The following SIRT1 variants were observed in gnomAD, a reference collection of about 807,000 sequenced individuals.
SIRT1 encodes the protein sirtuin 1, also known as NAD-dependent protein deacetylase sirtuin-1.
SIRT1 carries 24 observed loss-of-function variants against 67.9 expected under a neutral mutation model. That is an observed-to-expected ratio of 0.35 (90% CI 0.26 to 0.50). SIRT1 has a LOEUF of 0.50. Among genes scored for constraint, SIRT1 ranks in the 20% least tolerant of loss-of-function variants. SIRT1 has a pLI of 0.98. For missense variants in SIRT1, 873 were observed against 937.2 expected (o/e 0.93, Z 0.89); for synonymous variants, 378 against 350.7 (o/e 1.08, Z -0.87).
At chr10:67,902,455 C>T (rs1426524295) in intron 4 of SIRT1, among the ~76,000 whole-genome samples, 3 of 152,106 alleles carry the variant, frequency 2.0e-5, no homozygotes, top group Non-Finnish European at 4.4e-5. Context: ...ATTTTCATGT[C>T]AGTGTTCATA....
At chr10:67,888,135 A>G (rs1001543829) in intron 2 of SIRT1, among the ~76,000 whole-genome samples, 2 of 152,208 alleles carry the variant, frequency 1.3e-5, no homozygotes, top group African/African-American at 4.8e-5. Flanking sequence ...TAAATATTTA[A>G]TAAATATGTG....
intron 7 of SIRT1, 140 bp downstream of exon 7, chr10:67,909,582 G>A (rs1281026818): frequency 1.3e-6 from 1 of 767,224 alleles, no homozygotes; most frequent in Non-Finnish European, 1.9e-6. Context: ...TTGTTTGTTT[G>A]TTTGTTTATT....
chr10:67,887,652 C>T (rs1451135816), intron 2 of SIRT1, 119 bp downstream of exon 2: 4 of 590,556 alleles, frequency 6.8e-6, no homozygotes, highest in Non-Finnish European at 3.0e-6. Context: ...TCTCGGCTCA[C>T]CGTACCCTCC....
intron 4 of SIRT1, among the ~76,000 whole-genome samples, chr10:67,906,567 T>C (rs1842823521): frequency 1.3e-5 from 2 of 152,208 alleles, no homozygotes; most frequent in Non-Finnish European, 2.9e-5. Flanking sequence ...CGACTTTGTC[T>C]TTTTCTTCAA....
At position 67,889,090 on chromosome 10, in the gene SIRT1, G is replaced by C. The variant is rs757474809; in HGVS notation, c.756G>C (p.Glu252Asp). ...TIEDAVKLLQ[E>D]CKKIIVLTGA... ...AAGATGCTGTGAAATTACTGCAAGA[G>C]TGCAAAAAAATTATAGTTCTAACTG... is the stretch of plus-strand genomic sequence containing the variant. The change falls in exon 3 of 9, where the codon GAG becomes GAC. Residue 252 changes from glutamate to aspartate, a missense_variant. Glu to Asp is a conservative substitution (Grantham distance 45). Around this residue, in one of 3 missense-constraint regions of SIRT1, gnomAD observed 251 missense variants for 358.8 expected, o/e 0.70. Transcript: ENST00000212015. 6.2e-7 allele frequency: 1 copy of C among 1,605,242 alleles called. No homozygotes were observed. The highest frequency in any genetic ancestry group is 8.5e-7 in the Non-Finnish European group (1 of 1,179,612).
chr10:67,887,390 C>G, intron 1 of SIRT1, 27 bp from the exon 2 acceptor site: 3 of 1,476,794 alleles, frequency 2.0e-6, no homozygotes, highest in Non-Finnish European at 2.8e-6. Context: ...GTTTTGATAG[C>G]CTTGACTGAC....
At chr10:67,902,696 C>G (rs927180439) in intron 4 of SIRT1, among the ~76,000 whole-genome samples, 5 of 152,180 alleles carry the variant, frequency 3.3e-5, no homozygotes, top group Admixed American at 3.3e-4. Context: ...CTCAGCAACT[C>G]TACTTAACTG....
chr10:67,901,123 T>G (rs557020534), intron 4 of SIRT1, among the ~76,000 whole-genome samples: 111 of 152,218 alleles, frequency 7.3e-4, no homozygotes, highest in Admixed American at 1.8e-3. Flanking sequence ...TTGAAGACAG[T>G]AAATACTGCA....
intron 7 of SIRT1, among the ~76,000 whole-genome samples, chr10:67,909,798 C>T (rs1289064584): frequency 6.6e-6 from 1 of 152,004 alleles, no homozygotes; most frequent in African/African-American, 2.4e-5. Flanking sequence ...TGGTCTCGAA[C>T]TCCTCAGCTC....
intron 4 of SIRT1, among the ~76,000 whole-genome samples, chr10:67,893,729 G>A (rs1842609764): frequency 6.6e-6 from 1 of 152,120 alleles, no homozygotes; most frequent in Non-Finnish European, 1.5e-5. Context: ...ATTTTTGGTA[G>A]AGACGGGGAT....
chr10:67,895,701 A>G (rs1295191727), intron 4 of SIRT1, among the ~76,000 whole-genome samples: 4 of 127,560 alleles, frequency 3.1e-5, no homozygotes, highest in Non-Finnish European at 6.7e-5. Context: ...CTATTATATC[A>G]TTGATTGTAT....
At chr10:67,887,328 A>G in intron 1 of SIRT1, 89 bp from the exon 2 acceptor site, 1 of 803,470 alleles carries the variant, frequency 1.2e-6, no homozygotes, top group Non-Finnish European at 2.2e-6. Flanking sequence ...TAAATGCTGT[A>G]CTCGATGAAA....
At chr10:67,891,575 T>G (rs780809769) in intron 4 of SIRT1, 21 bp downstream of exon 4, 10 of 1,611,784 alleles carry the variant, frequency 6.2e-6, no homozygotes, top group East Asian at 2.2e-5. Flanking sequence ...CTCTTCTGGT[T>G]GTTTCTTTGG....
rs760388198 is a variant in SIRT1 at position 67,908,065 on chromosome 10, T to C, written c.1110T>C (p.Ser370=). 1.2e-6 allele frequency: 2 copies of C among 1,613,444 alleles called. No homozygotes were observed. The highest frequency in any genetic ancestry group is 1.7e-6 in the Non-Finnish European group (2 of 1,179,688). Residue 370 remains serine, a synonymous_variant, in exon 6 of 9, where the codon TCT becomes TCC. Transcript: ENST00000212015. ...IQCHGSFATA[S]CLICKYKVDC... is the part of the protein sequence containing the mutation. The stretch of plus-strand genomic sequence containing the variant: ...TTTTAGGTTCCTTTGCAACAGCATC[T>C]TGCCTGATTTGTAAATACAAAGTTG...
chr10:67,885,449 A>T (rs779378998), intron 1 of SIRT1: 172 of 1,163,514 alleles, frequency 1.5e-4, no homozygotes, highest in Middle Eastern at 6.6e-4. Context: ...TCCCCCTCTT[A>T]CTCTTTTAGC....
At chr10:67,900,365 G>A (rs960431034) in intron 4 of SIRT1, among the ~76,000 whole-genome samples, 8 of 151,868 alleles carry the variant, frequency 5.3e-5, no homozygotes, top group African/African-American at 1.7e-4. Flanking sequence ...GGCTGGTCTT[G>A]AACTCCTAAC....
intron 4 of SIRT1, among the ~76,000 whole-genome samples, chr10:67,904,005 A>C (rs981562036): frequency 2.0e-4 from 30 of 152,082 alleles, no homozygotes; most frequent in African/African-American, 6.5e-4. Flanking sequence ...TTCTATCTGT[A>C]AGTTGTATCT....
In SIRT1 at chr10:67,916,597, A is replaced by G. The variant is rs771845835; in HGVS notation, c.*4A>G. 3.7e-6 allele frequency: 6 copies of G among 1,600,508 alleles called. No homozygotes were observed. Among genetic ancestry groups the G allele is most frequent in the Admixed American group, 3.4e-5 (2 of 59,286 alleles). ...CTATCCATCAAACAAATCATAGTGT[A>G]ATAATTGTGCAGGTACAGGAATTGT... On this transcript the variant is annotated 3_prime_UTR_variant, in exon 9 of 9. Transcript: ENST00000212015.
chr10:67,905,964 C>A, intron 4 of SIRT1: 1 of 298,458 alleles, frequency 3.4e-6, no homozygotes. Flanking sequence ...TAGATTAGAG[C>A]CTGTAATGAA....
Sources: allele counts gnomAD v4.1 joint callset (sites outside exome capture counted in the v4.1 genomes callset), GRCh38; gene constraint gnomAD v4.1.1; regional missense constraint gnomAD v4.1.1; transcripts MANE v1.5; gene names NCBI Gene and HGNC (gene_info 2026-07-23, HGNC 2026-07-21).